Variants in APPL2 observed in about 807,000 individuals in gnomAD.
APPL2 encodes adaptor protein, phosphotyrosine interacting with PH domain and leucine zipper 2.
APPL2 carries 84 observed loss-of-function variants against 92.7 expected under a neutral mutation model. The ratio of observed to expected loss-of-function variants is 0.91; its 90% CI spans 0.76 to 1.09. The LOEUF is 1.09. Among genes scored for constraint, APPL2 ranks in the 50% least tolerant of loss-of-function variants. The pLI is 0.00. For synonymous variants in APPL2, 291 were observed against 291.0 expected (o/e 1.00, Z 0.00); for missense variants, 736 against 824.5 (o/e 0.89, Z 1.31).
At chr12:105,211,359 A>C in intron 4 of APPL2, 42 bp from the exon 5 acceptor site, 4 of 1,372,254 alleles carry the variant, frequency 2.9e-6, no homozygotes, top group Non-Finnish European at 4.2e-6. Context: ...TAAATACATT[A>C]TTATTATTGA....
At chr12:105,233,846 A>G (rs1342278373) in intron 1 of APPL2, among the ~76,000 whole-genome samples, 1 of 152,356 alleles carries the variant, frequency 6.6e-6, no homozygotes, top group East Asian at 1.9e-4. Context: ...GTGAGTTAAT[A>G]TATGTAAAGC....
At chr12:105,205,721 G>A (rs1888643769) in intron 8 of APPL2, among the ~76,000 whole-genome samples, 1 of 152,174 alleles carries the variant, frequency 6.6e-6, no homozygotes, top group African/African-American at 2.4e-5. Context: ...ATCCAGGAGG[G>A]GTTAACTAAA....
At chr12:105,226,432 G>A (rs1025812195) in intron 2 of APPL2, among the ~76,000 whole-genome samples, 5 of 152,254 alleles carry the variant, frequency 3.3e-5, no homozygotes, top group East Asian at 1.9e-4. Flanking sequence ...CATATGCTGC[G>A]CATTAAAAGC....
intron 17 of APPL2, among the ~76,000 whole-genome samples, chr12:105,181,771 G>A (rs933162387): frequency 1.5e-4 from 23 of 152,162 alleles, no homozygotes; most frequent in Admixed American, 9.8e-4. Flanking sequence ...AGTATTCTCT[G>A]TTGGTAGTTT....
chr12:105,197,828 A>G lies in APPL2; in HGVS notation c.989T>C (p.Val330Ala), dbSNP rs1175787317. Residue 330 changes from valine (V) to alanine (A), a missense_variant, in exon 11 of 21, where the codon GTG becomes GCG. Physicochemically the swap from Val to Ala is moderately conservative, Grantham distance 64. Transcript: ENST00000258530. Reference protein sequence around the residue: ...GLIQDLDNCSVMAVDCEDRRY... With the variant: ...GLIQDLDNCSAMAVDCEDRRY... The stretch of plus-strand genomic sequence containing the variant: ...CCGGTCTTCGCAATCCACGGCCATC[A>G]CTGAGCAGTTGTCCAGGTCCTGGAT... 2 of 1,614,058 alleles carry G rather than the reference A, an allele frequency of 1.2e-6. No homozygotes were observed. Among genetic ancestry groups the G allele is most frequent in the African/African-American group, 1.3e-5 (1 of 74,910 alleles).
At chr12:105,189,900 G>T (rs1384901577) in intron 15 of APPL2, 76 bp from the exon 16 acceptor site, 14 of 1,611,032 alleles carry the variant, frequency 8.7e-6, no homozygotes, top group Non-Finnish European at 5.1e-6. Context: ...CTGGAAATCA[G>T]AATGGCAACA....
chr12:105,183,591 C>T (rs932297286), intron 17 of APPL2, among the ~76,000 whole-genome samples: 2 of 152,184 alleles, frequency 1.3e-5, no homozygotes, highest in African/African-American at 4.8e-5. Flanking sequence ...TGCCCCCACT[C>T]TTTTCTGGGT....
rs115217659 is a variant in APPL2 at position 105,230,994 on chromosome 12, C to G, written c.55-1771G>C. Among the ~76,000 whole-genome samples the G allele has an allele frequency of 7.9e-3, 1,199 of 152,324 alleles. 19 individuals are homozygous for G. Among genetic ancestry groups the G allele is most frequent in the African/African-American group, 0.027 (1,114 of 41,566 alleles). ...TTCATAATCACAGTATGAAATACAT[C>G]AGGACCTGAACAAAGGTTTTCCCAA... On this transcript the variant is annotated intron_variant, in intron 1 of 20. Coordinates refer to ENST00000258530, the MANE Select transcript of APPL2 (RefSeq NM_018171.5).
At chr12:105,225,024 T>C (rs1225556197) in intron 2 of APPL2, among the ~76,000 whole-genome samples, 1 of 152,146 alleles carries the variant, frequency 6.6e-6, no homozygotes, top group African/African-American at 2.4e-5. Context: ...TCAGTAGTTC[T>C]GTATTCTGAA....
intron 2 of APPL2, among the ~76,000 whole-genome samples, chr12:105,220,662 C>T (rs958945797): frequency 1.3e-5 from 2 of 152,186 alleles, no homozygotes; most frequent in African/African-American, 2.4e-5. Context: ...CAAGCAGGGA[C>T]CATGGGCCAC....
intron 5 of APPL2, 27 bp downstream of exon 5, chr12:105,211,203 A>C (rs1343807795): frequency 6.9e-7 from 1 of 1,444,408 alleles, no homozygotes; most frequent in Non-Finnish European, 9.7e-7. Context: ...TTTTGAAGGT[A>C]ACTGGCATTG....
chr12:105,202,503 A>G lies in APPL2; in HGVS notation c.704+1200T>C, dbSNP rs1028427535. Among the ~76,000 whole-genome samples the G allele has an allele frequency of 2.0e-5, 3 of 152,374 alleles. No homozygotes were observed. In the South Asian group the frequency reaches 6.2e-4, roughly 32 times the overall value. ...GCATAGATGGTTCTTCCAGAAACAC[A>G]GAAGTGCGAGGAATTCTGAGAGTTA... On this transcript the variant is annotated intron_variant, in intron 9 of 20. Transcript: ENST00000258530.
chr12:105,197,691 T>G, intron 11 of APPL2, 74 bp downstream of exon 11: 2 of 1,565,554 alleles, frequency 1.3e-6, no homozygotes, highest in Non-Finnish European at 1.7e-6. Context: ...CACATAGGAA[T>G]GAACTAGGAG....
rs1888091851 is a variant in APPL2, at chr12:105,200,748, C to T, written c.705-1217G>A. Among the ~76,000 whole-genome samples, 3 of 152,198 alleles carry T rather than the reference C, an allele frequency of 2.0e-5. No individual in the cohort carries two copies. The South Asian group carries it at 6.2e-4, about 31-fold the overall frequency. ...AGAAGCAAACAGGGGGCCAGTGTTT[C>T]TCCACATGAGCACCTCAGGATTCTC... On this transcript the variant is annotated intron_variant, in intron 9 of 20. Coordinates refer to ENST00000258530, the MANE Select transcript of APPL2 (RefSeq NM_018171.5).
At chr12:105,188,533 C>T in intron 16 of APPL2, 86 bp from the exon 17 acceptor site, 13 of 1,462,236 alleles carry the variant, frequency 8.9e-6, no homozygotes, top group Non-Finnish European at 1.2e-5. Context: ...GCTAGTTTTG[C>T]CTGCTTTCTG....
chr12:105,217,728 G>A lies in APPL2; in HGVS notation c.154-3C>T, dbSNP rs371785060. ...TGTGTGGCCAGGCACATCTCATTCTGTGGAGAGAAGAGAAAAAGCAAGTAA... is the reference window on the plus strand; with the variant it reads ...TGTGTGGCCAGGCACATCTCATTCTATGGAGAGAAGAGAAAAAGCAAGTAA... On this transcript the variant is annotated splice_polypyrimidine_tract_variant and splice_region_variant and intron_variant, in intron 2 of 20. Transcript: ENST00000258530. 6.2e-7 allele frequency: 1 copy of A among 1,613,336 alleles called. No individual in the cohort carries two copies. The highest frequency in any genetic ancestry group is 1.3e-5 in the African/African-American group (1 of 74,898).
At chr12:105,208,342 C>T (rs1007972653) in intron 5 of APPL2, 143 bp from the exon 6 acceptor site, 4 of 986,660 alleles carry the variant, frequency 4.1e-6, no homozygotes, top group Admixed American at 4.6e-5. Context: ...CACAGGCTGG[C>T]CCAGAGGCTG....
intron 4 of APPL2, among the ~76,000 whole-genome samples, chr12:105,212,751 C>T (rs1889330391): frequency 1.3e-5 from 2 of 152,226 alleles, no homozygotes; most frequent in Non-Finnish European, 2.9e-5. Flanking sequence ...TGCTGGCAGT[C>T]ACGCATATTC....
intron 1 of APPL2, among the ~76,000 whole-genome samples, chr12:105,231,849 C>G (rs999713692): frequency 1.3e-5 from 2 of 152,194 alleles, no homozygotes; most frequent in African/African-American, 4.8e-5. Flanking sequence ...AAAATATAAC[C>G]AGCTACCTTG....
Sources: allele counts gnomAD v4.1 joint callset (sites outside exome capture counted in the v4.1 genomes callset), GRCh38; gene constraint gnomAD v4.1.1; transcripts MANE v1.5; gene names NCBI Gene and HGNC (gene_info 2026-07-23, HGNC 2026-07-21).